Variants in MAST4 observed in about 807,000 individuals in gnomAD.
The protein encoded by MAST4 is microtubule associated serine/threonine kinase family member 4.
A neutral mutation model predicts 162.7 loss-of-function variants in MAST4; 89 were observed. The observed-to-expected ratio is 0.55, with a 90% CI of 0.46 to 0.65. The LOEUF is 0.65. Among genes scored for constraint, MAST4 ranks in the 30% least tolerant of loss-of-function variants. The pLI is 0.00. For synonymous variants in MAST4, 1,479 were observed against 1,361.1 expected (o/e 1.09, Z -1.91); for missense variants, 3,153 against 3,374.0 (o/e 0.93, Z 1.62).
intron 1 of MAST4, among the ~76,000 whole-genome samples, chr5:66,738,980 A>G (rs40035): frequency 0.13 from 19,946 of 152,238 alleles, 1,368 homozygotes; most frequent in East Asian, 0.27. Context: ...GAAGTCTTAA[A>G]TTATTGATAC....
rs191931197 is a variant in MAST4 at position 67,166,720 on chromosome 5, A to C, written c.7541A>C (p.His2514Pro). ...KAQPAGEGRT[H>P]MTKSDSLPSF... ...CAGCCTGCCGGGGAGGGCCGAACCC[A>C]CATGACAAAGAGTGACTCCCTGCCC... Residue 2514 changes from histidine to proline, a missense_variant, in exon 29 of 29, where the codon CAC (histidine) becomes CCC (proline). Transcript: ENST00000403625. 7 of 1,589,944 alleles carry C rather than the reference A, an allele frequency of 4.4e-6. No homozygotes were observed. In the African/African-American group the frequency reaches 6.7e-5, roughly 15 times the overall value.
chr5:67,072,291 A>G (rs934593457), intron 5 of MAST4, among the ~76,000 whole-genome samples: 1 of 152,216 alleles, frequency 6.6e-6, no homozygotes, highest in Admixed American at 6.5e-5. Flanking sequence ...CACTGTTAAT[A>G]CATCATAGCA....
chr5:66,712,508 A>G (rs951518614), intron 1 of MAST4, among the ~76,000 whole-genome samples: 46 of 152,328 alleles, frequency 3.0e-4, no homozygotes, highest in African/African-American at 1.0e-3. Flanking sequence ...TATTTTATCA[A>G]ATGAATTACT....
chr5:67,084,352 A>T (rs1213978195), intron 5 of MAST4, among the ~76,000 whole-genome samples: 1 of 152,202 alleles, frequency 6.6e-6, no homozygotes, highest in Non-Finnish European at 1.5e-5. Context: ...TGTCACATGG[A>T]TAAGGATCCA....
chr5:66,780,751 T>C (rs1754831347), intron 2 of MAST4, among the ~76,000 whole-genome samples: 1 of 146,192 alleles, frequency 6.8e-6, no homozygotes, highest in African/African-American at 2.4e-5. Flanking sequence ...ATTGGTTCAT[T>C]TTTACAGAGT....
chr5:67,040,199 CAGAAAAGTCATATAAAAAGAGGCATGA>C (rs1376960322), intron 4 of MAST4, among the ~76,000 whole-genome samples: 4 of 151,754 alleles, frequency 2.6e-5, no homozygotes, highest in African/African-American at 9.7e-5. Flanking sequence ...AATAAGAAAC[CAGAAAAGTCATATAAAAAGAGGCATGA>C]TCCAGAAATA....
intron 3 of MAST4, chr5:66,829,017 G>A (rs1002481655): frequency 9.6e-5 from 73 of 762,346 alleles, no homozygotes; most frequent in Non-Finnish European, 1.4e-4. Flanking sequence ...AACGCTATAC[G>A]GAGTTTCTGG....
chr5:67,114,017 G>A (rs1766582037), intron 11 of MAST4, 70 bp from the exon 12 acceptor site: 2 of 1,573,844 alleles, frequency 1.3e-6, no homozygotes, highest in African/African-American at 1.4e-5. Context: ...ATTGTGAATG[G>A]GATTTATGTA....
At chr5:66,632,942 TA>T (rs544139080) in intron 1 of MAST4, among the ~76,000 whole-genome samples, 140 of 152,324 alleles carry the variant, frequency 9.2e-4, no homozygotes, top group Middle Eastern at 3.4e-3. Flanking sequence ...CATGTAAATT[TA>T]GTGCAAATGA....
chr5:66,679,622 G>A (rs1300002631), intron 1 of MAST4, among the ~76,000 whole-genome samples: 1 of 151,798 alleles, frequency 6.6e-6, no homozygotes, highest in African/African-American at 2.4e-5. Context: ...TGGCAATTTT[G>A]AAGTGAACCT....
At chr5:66,660,336 C>T (rs777546553) in intron 1 of MAST4, among the ~76,000 whole-genome samples, 2 of 152,018 alleles carry the variant, frequency 1.3e-5, no homozygotes, top group Non-Finnish European at 2.9e-5. Context: ...TGCAGTCAGC[C>T]GAGATCGCGC....
At chr5:67,094,143 C>T (rs1000025778) in intron 6 of MAST4, 8 of 1,485,000 alleles carry the variant, frequency 5.4e-6, no homozygotes, top group South Asian at 1.3e-5. Flanking sequence ...ATTTGTACTC[C>T]AATCATGGTA....
Position 66,924,713 on chromosome 5 carries a change from A to G in MAST4, c.674+24731A>G, listed in dbSNP as rs111325907. Among the ~76,000 whole-genome samples, 1,101 of 152,294 alleles carry G rather than the reference A, an allele frequency of 7.2e-3. 17 individuals are homozygous for G. The highest frequency in any genetic ancestry group is 0.025 in the African/African-American group (1,046 of 41,556). On this transcript the variant is annotated intron_variant, in intron 4 of 28. Coordinates refer to ENST00000403625, the MANE Select transcript of MAST4 (RefSeq NM_001164664.2). The stretch of plus-strand genomic sequence containing the variant: ...GGGCCTGTAGAAAATAATTTAAACA[A>G]TATTTAAATTGATCATGTAGGTGGT...
At chr5:66,955,420 T>C (rs1745194963) in intron 4 of MAST4, among the ~76,000 whole-genome samples, 1 of 151,964 alleles carries the variant, frequency 6.6e-6, no homozygotes, top group Non-Finnish European at 1.5e-5. Flanking sequence ...GGGAGGGAGC[T>C]GTAGAAGAGG....
At chr5:66,882,322 T>C (rs905484004) in intron 3 of MAST4, among the ~76,000 whole-genome samples, 22 of 151,988 alleles carry the variant, frequency 1.4e-4, no homozygotes, top group African/African-American at 5.1e-4. Flanking sequence ...CTTAAATACA[T>C]CTTTAAACCA....
At chr5:67,078,016 T>C (rs1166208504) in intron 5 of MAST4, among the ~76,000 whole-genome samples, 3 of 152,058 alleles carry the variant, frequency 2.0e-5, no homozygotes. Context: ...GGAGAATCGC[T>C]TGAACCTGGG....
At chr5:66,902,990 A>G (rs1763107879) in intron 4 of MAST4, among the ~76,000 whole-genome samples, 1 of 152,228 alleles carries the variant, frequency 6.6e-6, no homozygotes, top group African/African-American at 2.4e-5. Context: ...AAAGTAACCA[A>G]ACCAGAGTAT....
chr5:67,159,596 T>A (rs1001803938), intron 26 of MAST4, among the ~76,000 whole-genome samples: 3 of 152,210 alleles, frequency 2.0e-5, no homozygotes, highest in African/African-American at 7.2e-5. Flanking sequence ...CGGGGCCATC[T>A]GTGACCTTGA....
intron 1 of MAST4, among the ~76,000 whole-genome samples, chr5:66,670,841 A>G (rs1278935701): frequency 6.6e-6 from 1 of 152,072 alleles, no homozygotes; most frequent in Non-Finnish European, 1.5e-5. Flanking sequence ...AACATTACTC[A>G]GATATTATAG....
Sources: allele counts gnomAD v4.1 joint callset (sites outside exome capture counted in the v4.1 genomes callset), GRCh38; gene constraint gnomAD v4.1.1; transcripts MANE v1.5; gene names NCBI Gene and HGNC (gene_info 2026-07-23, HGNC 2026-07-21).